Variants in SLC35F4 observed in about 807,000 individuals in gnomAD.
SLC35F4 encodes chromosome 14 open reading frame 36.
Under a neutral mutation model 44.2 loss-of-function variants are expected in SLC35F4, and 24 were observed. The ratio of observed to expected loss-of-function variants is 0.54; its 90% CI spans 0.39 to 0.76. The LOEUF is 0.76. Among genes scored for constraint, SLC35F4 ranks in the 30% least tolerant of loss-of-function variants. The pLI is 0.00. For synonymous variants in SLC35F4, 238 were observed against 223.6 expected (o/e 1.06, Z -0.57); for missense variants, 562 against 586.1 (o/e 0.96, Z 0.42).
At chr14:57,772,598 T>A (rs915223842) in intron 1 of SLC35F4, among the ~76,000 whole-genome samples, 5 of 152,332 alleles carry the variant, frequency 3.3e-5, no homozygotes, top group African/African-American at 1.2e-4. Context: ...TAGTTTCCAC[T>A]TATAAGTGAG....
intron 1 of SLC35F4, among the ~76,000 whole-genome samples, chr14:57,864,017 C>T (rs1887907198): frequency 6.6e-6 from 1 of 152,102 alleles, no homozygotes; most frequent in Admixed American, 6.6e-5. Flanking sequence ...ATAATATGAA[C>T]ATGTTCTTAT....
At chr14:57,976,859 T>C (rs1291213453) in exon 2 of SLC35F4, 2 of 152,174 alleles carry the variant, frequency 1.3e-5, no homozygotes, top group Non-Finnish European at 2.9e-5. Flanking sequence ...TATCTGAGGG[T>C]TCTCTCTCAC....
intron 1 of SLC35F4, among the ~76,000 whole-genome samples, chr14:57,675,017 C>T (rs2074643445): frequency 6.6e-6 from 1 of 152,066 alleles, no homozygotes; most frequent in Non-Finnish European, 1.5e-5. Flanking sequence ...GAAATGTGAG[C>T]AATCCATGGA....
chr14:57,669,644 C>T (rs1251120561), intron 1 of SLC35F4, among the ~76,000 whole-genome samples: 4 of 152,190 alleles, frequency 2.6e-5, no homozygotes, highest in South Asian at 4.1e-4. Context: ...TATTGATTTG[C>T]ATCTGTTGAA....
chr14:57,621,082 A>G (rs1230419154), intron 1 of SLC35F4, among the ~76,000 whole-genome samples: 2 of 151,694 alleles, frequency 1.3e-5, no homozygotes, highest in Non-Finnish European at 2.9e-5. Flanking sequence ...TTCAAAGAGA[A>G]TAAAATACCT....
At chr14:57,767,875 A>C (rs1325283417) in intron 1 of SLC35F4, among the ~76,000 whole-genome samples, 1 of 152,188 alleles carries the variant, frequency 6.6e-6, no homozygotes, top group African/African-American at 2.4e-5. Flanking sequence ...AGGGAATCCT[A>C]CCAAAAACTA....
chr14:57,762,654 ATTATCATGGGAGTGGTTTAG>A (rs2077151277), intron 1 of SLC35F4, among the ~76,000 whole-genome samples: 1 of 152,116 alleles, frequency 6.6e-6, no homozygotes, highest in Non-Finnish European at 1.5e-5. Context: ...GATTAATGCC[ATTATCATGGGAGTGGTTTAG>A]TTATCATGGG....
At chr14:57,854,547 C>T (rs1886897392) in intron 1 of SLC35F4, among the ~76,000 whole-genome samples, 1 of 152,126 alleles carries the variant, frequency 6.6e-6, no homozygotes, top group Admixed American at 6.5e-5. Context: ...TCCTCCCCAC[C>T]TGTTTGCCCT....
chr14:57,837,050 TCTC>T (rs1175625223), intron 1 of SLC35F4, among the ~76,000 whole-genome samples: 1 of 152,206 alleles, frequency 6.6e-6, no homozygotes, highest in Non-Finnish European at 1.5e-5. Context: ...TGAAGGCTCT[TCTC>T]CTTACTAAAA....
intron 3 of SLC35F4, among the ~76,000 whole-genome samples, chr14:57,588,859 C>G (rs2069967495): frequency 6.6e-6 from 1 of 152,084 alleles, no homozygotes; most frequent in South Asian, 2.1e-4. Context: ...ATAAATAGAT[C>G]TAGATTTAAA....
chr14:57,697,809 T>A (rs1024802955), intron 1 of SLC35F4, among the ~76,000 whole-genome samples: 4 of 152,136 alleles, frequency 2.6e-5, no homozygotes, highest in African/African-American at 9.7e-5. Context: ...TTCACTATAC[T>A]CCTATACAGA....
At chr14:57,651,404 C>A (rs138544436) in intron 1 of SLC35F4, among the ~76,000 whole-genome samples, 4 of 151,908 alleles carry the variant, frequency 2.6e-5, no homozygotes, top group African/African-American at 9.7e-5. Context: ...GGGTAGACTG[C>A]CTCCAGCCCC....
At chr14:57,745,536 T>A (rs376068367) in intron 1 of SLC35F4, among the ~76,000 whole-genome samples, 22 of 151,968 alleles carry the variant, frequency 1.4e-4, no homozygotes, top group African/African-American at 4.6e-4. Flanking sequence ...ACAATGAGAT[T>A]CCATCTCACA....
intron 1 of SLC35F4, among the ~76,000 whole-genome samples, chr14:57,851,320 G>T (rs768747302): frequency 6.6e-6 from 1 of 152,006 alleles, no homozygotes; most frequent in Non-Finnish European, 1.5e-5. Flanking sequence ...TTATTTTATA[G>T]CCTGTACTTG....
At position 57,589,362 on chromosome 14, in the gene SLC35F4, C is replaced by T; in HGVS notation, c.441G>A (p.Gln147=). 6.2e-7 allele frequency: 1 copy of T among 1,613,940 alleles called. No individual in the cohort carries two copies. The highest frequency in any genetic ancestry group is 8.5e-7 in the Non-Finnish European group (1 of 1,179,884). ...SVSSSWVGTT[Q]IVKITYKNFY... is the part of the protein sequence containing the mutation. ...AGTTCTTATAAGTAATTTTTACAAT[C>T]TGTGTAGTTCCAACCCAAGATGATG... The change falls in exon 3 of 8, where the codon CAG becomes CAA. Residue 147 remains glutamine (Q), a synonymous_variant. Coordinates refer to ENST00000556826, the MANE Select transcript of SLC35F4 (RefSeq NM_001306087.2).
intron 4 of SLC35F4, 52 bp downstream of exon 4, chr14:57,581,162 A>G: frequency 6.8e-7 from 1 of 1,461,208 alleles, no homozygotes; most frequent in Middle Eastern, 1.8e-4. Flanking sequence ...TCCTGAAGCC[A>G]AGGAGTTATG....
intron 1 of SLC35F4, among the ~76,000 whole-genome samples, chr14:57,832,406 T>A (rs746881328): frequency 7.2e-5 from 11 of 152,184 alleles, no homozygotes; most frequent in Admixed American, 2.0e-4. Flanking sequence ...AAGAAGAATA[T>A]GTAGGATGAA....
At chr14:57,822,815 C>G (rs996253710) in intron 1 of SLC35F4, among the ~76,000 whole-genome samples, 11 of 152,140 alleles carry the variant, frequency 7.2e-5, no homozygotes, top group African/African-American at 2.7e-4. Flanking sequence ...TTCTCCACCA[C>G]TCTTGTGGCT....
chr14:57,742,195 A>G (rs1003154576), intron 1 of SLC35F4, among the ~76,000 whole-genome samples: 7 of 152,202 alleles, frequency 4.6e-5, no homozygotes, highest in African/African-American at 1.4e-4. Flanking sequence ...CTAACATCAT[A>G]ATGACAGGAT....
Sources: gnomAD v4.1 joint callset for allele counts (sites outside exome capture counted in the v4.1 genomes callset) on GRCh38, gnomAD v4.1.1 for gene constraint, MANE v1.5 for transcripts, NCBI Gene and HGNC (gene_info 2026-07-23, HGNC 2026-07-21) for gene names.